The following MYO3A variants were observed in gnomAD, a reference collection of about 807,000 sequenced individuals.
The protein encoded by MYO3A is myosin IIIA, also known as myosin-IIIa.
A neutral mutation model predicts 192.7 loss-of-function variants in MYO3A; 180 were observed. The observed-to-expected ratio is 0.93, with a 90% CI of 0.83 to 1.06. The LOEUF is 1.06. Ranked by LOEUF, MYO3A falls within the 50% of genes least tolerant of loss-of-function variation. The probability of loss-of-function intolerance (pLI) is 0.00; values close to 1 mark genes in which losing one functional copy is unlikely to be tolerated. For synonymous variants in MYO3A, 628 were observed against 645.3 expected (o/e 0.97, Z 0.41); for missense variants, 1,896 against 1,905.0 (o/e 1.00, Z 0.09).
intron 18 of MYO3A, among the ~76,000 whole-genome samples, chr10:26,121,622 C>T (rs950530054): frequency 2.0e-5 from 3 of 151,958 alleles, no homozygotes; most frequent in African/African-American, 7.3e-5. Context: ...TGGTGGTACA[C>T]GCCTGTAGTC....
chr10:26,114,487 A>T (rs1011423677), intron 17 of MYO3A, among the ~76,000 whole-genome samples: 1 of 152,220 alleles, frequency 6.6e-6, no homozygotes, highest in Non-Finnish European at 1.5e-5. Flanking sequence ...TTTGGAAAAA[A>T]AACAACTTGG....
chr10:26,010,450 GTTTTTTTTTTT>G (rs778349166), intron 6 of MYO3A, among the ~76,000 whole-genome samples: 2 of 111,234 alleles, frequency 1.8e-5, no homozygotes, highest in African/African-American at 7.1e-5. Flanking sequence ...CTAAGTAGTT[GTTTTTTTTTTT>G]TTTTTTTTTT....
chr10:26,031,114 G>A (rs1011425391), intron 10 of MYO3A, among the ~76,000 whole-genome samples: 1 of 152,140 alleles, frequency 6.6e-6, no homozygotes, highest in Non-Finnish European at 1.5e-5. Flanking sequence ...GATTTAATGG[G>A]AATAGATAAA....
intron 31 of MYO3A, among the ~76,000 whole-genome samples, chr10:26,178,677 A>G (rs189178160): frequency 6.6e-6 from 1 of 152,360 alleles, no homozygotes; most frequent in African/African-American, 2.4e-5. Context: ...TAAAATGATT[A>G]TTCATCTGTT....
rs1176308708 is a variant in MYO3A at position 26,174,310 on chromosome 10, C to T, written c.4046C>T (p.Ala1349Val). 6.2e-7 allele frequency: 1 copy of T among 1,614,116 alleles called. No homozygotes were observed. Among genetic ancestry groups the T allele is most frequent in the Non-Finnish European group, 8.5e-7 (1 of 1,179,986 alleles). Residue 1349 changes from alanine (A) to valine (V), a missense_variant, in exon 30 of 35, where the codon GCA (alanine) becomes GTA (valine). Ala to Val is a moderately conservative substitution (Grantham distance 64). Coordinates refer to ENST00000642920, the MANE Select transcript of MYO3A (RefSeq NM_017433.5). Reference protein sequence around the residue: ...VTQAQEEEDKAAVFIQSKYRG... With the variant: ...VTQAQEEEDKVAVFIQSKYRG... ...CAGGCCCAGGAGGAAGAAGATAAAG[C>T]AGCGGTATTCATTCAGAGCAAATAC...
rs200248007 is a variant in MYO3A at position 26,147,472 on chromosome 10, A to G, written c.2548A>G (p.Thr850Ala). Residue 850 changes from threonine (T) to alanine (A), a missense_variant, in exon 23 of 35, where the codon ACT (threonine) becomes GCT (alanine). Physicochemically the swap from Thr to Ala is moderately conservative, Grantham distance 58. Transcript: ENST00000642920. ...TGGATTCTTAGCCAAAAACAGAGAC[A>G]CTCTTCCTACTGACATTGTGCTACT... is the stretch of plus-strand genomic sequence containing the variant. ...ASGFLAKNRD[T>A]LPTDIVLLLR... 8.7e-6 allele frequency: 14 copies of G among 1,613,740 alleles called. No individual in the cohort carries two copies. The highest frequency in any genetic ancestry group is 1.2e-5 in the Non-Finnish European group (14 of 1,179,810).
At position 26,193,259 on chromosome 10, in the gene MYO3A, A is replaced by T; in HGVS notation, c.4493A>T (p.Lys1498Ile). 6.2e-7 allele frequency: 1 copy of T among 1,614,002 alleles called. No individual in the cohort carries two copies. Among genetic ancestry groups the T allele is most frequent in the Admixed American group, 1.7e-5 (1 of 60,004 alleles). Residue 1498 changes from lysine to isoleucine, a missense_variant, in exon 32 of 35, where the codon AAA becomes ATA. Coordinates refer to ENST00000642920, the MANE Select transcript of MYO3A (RefSeq NM_017433.5). Reference protein sequence around the residue: ...KILRPPRRPRKPKTLNNPEDS... With the variant: ...KILRPPRRPRIPKTLNNPEDS... ...TTGAGACCCCCAAGACGACCCCGGA[A>T]ACCCAAAACATTAAATAACCCTGAA...
chr10:25,974,329 T>C (rs1838847744), intron 4 of MYO3A, among the ~76,000 whole-genome samples: 1 of 152,214 alleles, frequency 6.6e-6, no homozygotes, highest in Non-Finnish European at 1.5e-5. Context: ...ATAATTCTAT[T>C]TGCTAAGCTG....
intron 10 of MYO3A, among the ~76,000 whole-genome samples, chr10:26,062,079 A>C (rs1834518721): frequency 6.6e-6 from 1 of 152,168 alleles, no homozygotes; most frequent in Non-Finnish European, 1.5e-5. Context: ...CATTCAACTA[A>C]AGTTTATCGA....
chr10:26,150,973 T>TA (rs1840760115), intron 23 of MYO3A, among the ~76,000 whole-genome samples: 2 of 152,178 alleles, frequency 1.3e-5, no homozygotes, highest in East Asian at 3.8e-4. Context: ...GGTTTCCAAA[T>TA]ATGGTGAGAT....
chr10:26,105,923 A>G (rs934177542), intron 17 of MYO3A, among the ~76,000 whole-genome samples: 3 of 151,992 alleles, frequency 2.0e-5, no homozygotes, highest in Admixed American at 6.6e-5. Context: ...GACTTATCCT[A>G]TATTAAGGCC....
At position 26,211,900 on chromosome 10, in the gene MYO3A, C is replaced by CT; in HGVS notation, c.4789dup (p.Tyr1597LeufsTer54). ...AGGAGAGAGAGCCAGCAGCCAACCC[C>CT]TACGACTTCAGGAGGCTCCTGCGCA... is the stretch of plus-strand genomic sequence containing the variant. On this transcript the variant is annotated frameshift_variant, in exon 35 of 35. Coordinates refer to ENST00000642920, the MANE Select transcript of MYO3A (RefSeq NM_017433.5). LOFTEE classifies it high-confidence loss of function. The CT allele has an allele frequency of 6.2e-7, 1 of 1,614,074 alleles. No individual in the cohort carries two copies. The highest frequency in any genetic ancestry group is 1.1e-5 in the South Asian group (1 of 91,028).
chr10:26,120,645 A>G, intron 17 of MYO3A, 31 bp from the exon 18 acceptor site: 3 of 1,613,570 alleles, frequency 1.9e-6, no homozygotes, highest in Non-Finnish European at 2.5e-6. Context: ...CAAGGAAAGA[A>G]TGATGCCAAT....
chr10:26,113,691 T>C (rs1461592141), intron 17 of MYO3A, among the ~76,000 whole-genome samples: 1 of 152,110 alleles, frequency 6.6e-6, no homozygotes, highest in Admixed American at 6.6e-5. Context: ...AGGTAGTTGG[T>C]AAAATAAAAA....
chr10:26,144,942 G>A (rs10828955), intron 21 of MYO3A, among the ~76,000 whole-genome samples: 62,006 of 151,964 alleles, frequency 0.41, 12,864 homozygotes, highest in Middle Eastern at 0.52. Context: ...TTGGGAGGCC[G>A]ACACAGGTGG....
At position 26,025,767 on chromosome 10, in the gene MYO3A, C is replaced by T. The variant is rs1015809716; in HGVS notation, c.798-610C>T. Among the ~76,000 whole-genome samples, 6 of 152,318 alleles carry T rather than the reference C, an allele frequency of 3.9e-5. No homozygotes were observed. In the South Asian group the frequency reaches 8.3e-4, roughly 21 times the overall value. ...TTTCAGGTGCTCTCACTAGTCCTATCCTTTCTCATGAATATGCTCTGGTTG... is the reference window on the plus strand; with the variant it reads ...TTTCAGGTGCTCTCACTAGTCCTATTCTTTCTCATGAATATGCTCTGGTTG... On this transcript the variant is annotated intron_variant, in intron 9 of 34. Coordinates refer to ENST00000642920, the MANE Select transcript of MYO3A (RefSeq NM_017433.5).
intron 8 of MYO3A, chr10:26,021,909 A>C: frequency 2.1e-6 from 1 of 466,700 alleles, no homozygotes; most frequent in Non-Finnish European, 3.9e-6. Context: ...AGAAAATAGC[A>C]GTTCCTCCCA....
At chr10:26,107,631 G>A (rs1181156778) in intron 17 of MYO3A, among the ~76,000 whole-genome samples, 1 of 150,830 alleles carries the variant, frequency 6.6e-6, no homozygotes, top group East Asian at 2.0e-4. Context: ...TTTGTATTTT[G>A]CTAAGAAATT....
Position 26,174,558 on chromosome 10 carries a change from G to C in MYO3A, c.4293+1G>C, listed in dbSNP as rs747458532. On this transcript the variant is annotated splice_donor_variant, in intron 30 of 34. Transcript: ENST00000642920. LOFTEE classifies it high-confidence loss of function. ...TGGTTTGGCAATTTTTTCAAAACAGGTATGTGAATAAATAAATTTATTTAC... is the reference window on the plus strand; with the variant it reads ...TGGTTTGGCAATTTTTTCAAAACAGCTATGTGAATAAATAAATTTATTTAC... 4 of 1,611,334 alleles carry C rather than the reference G, an allele frequency of 2.5e-6. No homozygotes were observed. The Admixed American group carries it at 6.7e-5, about 27-fold the overall frequency.
Sources: allele counts gnomAD v4.1 joint callset (sites outside exome capture counted in the v4.1 genomes callset), GRCh38; gene constraint gnomAD v4.1.1; transcripts MANE v1.5; gene names NCBI Gene and HGNC (gene_info 2026-07-23, HGNC 2026-07-21).